The following MTUS2 variants were observed in gnomAD, a reference collection of about 807,000 sequenced individuals.
The protein encoded by MTUS2 is microtubule-associated tumor suppressor candidate 2.
Under a neutral mutation model 114.1 loss-of-function variants are expected in MTUS2, and 40 were observed. That is an observed-to-expected ratio of 0.35 (90% CI 0.27 to 0.46). MTUS2 has a LOEUF of 0.46. Among genes scored for constraint, MTUS2 ranks in the 20% least tolerant of loss-of-function variants. The pLI, the probability that MTUS2 is intolerant of heterozygous loss-of-function variation, is 1.00. For missense variants in MTUS2, 1,679 were observed against 1,705.4 expected (o/e 0.98, Z 0.27); for synonymous variants, 688 against 672.0 (o/e 1.02, Z -0.37).
chr13:28,885,482 G>A (rs1213822268), intron 2 of MTUS2, among the ~76,000 whole-genome samples: 9 of 152,216 alleles, frequency 5.9e-5, no homozygotes, highest in African/African-American at 2.2e-4. Flanking sequence ...GAAACACTGA[G>A]TACCTTTCCC....
chr13:28,932,368 A>G (rs1286959705), intron 2 of MTUS2, among the ~76,000 whole-genome samples: 1 of 152,234 alleles, frequency 6.6e-6, no homozygotes, highest in African/African-American at 2.4e-5. Context: ...GGATGTGTGT[A>G]GGTTACATGC....
intron 6 of MTUS2, among the ~76,000 whole-genome samples, chr13:29,320,111 C>T (rs1900192145): frequency 6.6e-6 from 1 of 152,152 alleles, no homozygotes; most frequent in Non-Finnish European, 1.5e-5. Context: ...GGAGATTATC[C>T]TGGATTACCC....
intron 2 of MTUS2, 131 bp from the exon 3 acceptor site, chr13:29,024,326 T>A (rs1417990558): frequency 4.5e-6 from 1 of 221,044 alleles, no homozygotes; most frequent in East Asian, 7.4e-5. Context: ...ATCAGAAAGG[T>A]TTTTTGAGAA....
chr13:29,307,325 C>A, intron 6 of MTUS2: 1 of 684,444 alleles, frequency 1.5e-6, no homozygotes. Flanking sequence ...GCTGTCCCTG[C>A]CACCCAGAAG....
intron 5 of MTUS2, among the ~76,000 whole-genome samples, chr13:29,265,630 C>T (rs956987330): frequency 2.0e-5 from 3 of 152,098 alleles, no homozygotes; most frequent in African/African-American, 7.2e-5. Flanking sequence ...AGCATGGCAC[C>T]GATATCAGCT....
intron 2 of MTUS2, among the ~76,000 whole-genome samples, chr13:28,877,142 A>G (rs1236075034): frequency 6.6e-6 from 1 of 150,700 alleles, no homozygotes; most frequent in South Asian, 2.1e-4. Flanking sequence ...ACAAAAAAAA[A>G]AAACAACAAA....
At chr13:29,031,270 G>GT (rs1555287201) in intron 3 of MTUS2, among the ~76,000 whole-genome samples, 60 of 22,432 alleles carry the variant, frequency 2.7e-3, no homozygotes, top group South Asian at 0.023. Flanking sequence ...GTGTGTGTGT[G>GT]GTGTGTGTTC....
intron 9 of MTUS2, among the ~76,000 whole-genome samples, chr13:29,452,508 A>G (rs1878761787): frequency 6.6e-6 from 1 of 151,790 alleles, no homozygotes; most frequent in Admixed American, 6.6e-5. Flanking sequence ...CTCCTGCCTC[A>G]GCCTGCAGAG....
At chr13:29,000,329 C>A (rs75348397) in intron 2 of MTUS2, among the ~76,000 whole-genome samples, 4 of 152,004 alleles carry the variant, frequency 2.6e-5, no homozygotes, top group African/African-American at 7.3e-5. Context: ...AGTTTTGCTG[C>A]CCATAGGATT....
rs1411674602 is a variant in MTUS2, at chr13:29,025,772, T to A, written c.1074T>A (p.Asp358Glu). 6.2e-7 allele frequency: 1 copy of A among 1,613,846 alleles called. No homozygotes were observed. Among genetic ancestry groups the A allele is most frequent in the Non-Finnish European group, 8.5e-7 (1 of 1,179,884 alleles). ...PCGEAHPEAT[D>E]ALGHLLNSDL... ...GGGAAGCACACCCGGAAGCCACCGA[T>A]GCACTTGGCCATCTGCTGAACAGTG... Residue 358 changes from aspartate to glutamate, a missense_variant, in exon 3 of 16, where the codon GAT (aspartate) becomes GAA (glutamate). This residue lies in a region of MTUS2 where 843 missense variants were observed against 770.8 expected (regional missense o/e 1.09). Transcript: ENST00000612955.
intron 2 of MTUS2, among the ~76,000 whole-genome samples, chr13:28,862,594 G>A (rs908055089): frequency 5.9e-5 from 9 of 152,130 alleles, no homozygotes; most frequent in Non-Finnish European, 7.3e-5. Flanking sequence ...GCCTGGGCGC[G>A]GCAGAGCAAG....
At chr13:29,294,558 T>C (rs1305422949) in intron 6 of MTUS2, among the ~76,000 whole-genome samples, 1 of 152,176 alleles carries the variant, frequency 6.6e-6, no homozygotes, top group East Asian at 1.9e-4. Flanking sequence ...ACTTAGAAGT[T>C]GGTATATTTA....
intron 5 of MTUS2, among the ~76,000 whole-genome samples, chr13:29,214,606 C>T (rs1167202528): frequency 2.6e-5 from 4 of 152,248 alleles, no homozygotes; most frequent in Non-Finnish European, 5.9e-5. Context: ...TTTTATTTCT[C>T]CTTCACTTAT....
chr13:29,392,136 A>AC (rs1873534626), intron 8 of MTUS2, among the ~76,000 whole-genome samples: 2 of 64,982 alleles, frequency 3.1e-5, no homozygotes, highest in Non-Finnish European at 6.6e-5. Flanking sequence ...TCAAAAAAAA[A>AC]AAAACAAACC....
At chr13:29,472,277 C>A (rs547684171) in intron 9 of MTUS2, among the ~76,000 whole-genome samples, 37 of 152,332 alleles carry the variant, frequency 2.4e-4, no homozygotes, top group African/African-American at 8.4e-4. Context: ...CTGCCTCAGC[C>A]TCCCAAAGTG....
At chr13:29,166,679 T>C (rs1430448637) in intron 5 of MTUS2, among the ~76,000 whole-genome samples, 4 of 152,232 alleles carry the variant, frequency 2.6e-5, no homozygotes, top group Non-Finnish European at 5.9e-5. Context: ...ACATTTAGAC[T>C]TTCAAAATCA....
At chr13:28,986,840 T>C (rs990875230) in intron 2 of MTUS2, among the ~76,000 whole-genome samples, 1 of 152,184 alleles carries the variant, frequency 6.6e-6, no homozygotes, top group Non-Finnish European at 1.5e-5. Flanking sequence ...AATTAAGAAT[T>C]TAATTATTCA....
chr13:28,821,600 G>A (rs1250291876), intron 1 of MTUS2, among the ~76,000 whole-genome samples: 4 of 152,108 alleles, frequency 2.6e-5, no homozygotes, highest in Non-Finnish European at 5.9e-5. Context: ...TATACTGATG[G>A]CTGGGAACAG....
intron 5 of MTUS2, among the ~76,000 whole-genome samples, chr13:29,111,166 T>C (rs982554952): frequency 7.2e-5 from 11 of 152,300 alleles, no homozygotes; most frequent in Non-Finnish European, 1.6e-4. Context: ...ATGATAATGG[T>C]GAATAAAGTA....
Sources: gnomAD v4.1 joint callset for allele counts (sites outside exome capture counted in the v4.1 genomes callset) on GRCh38, gnomAD v4.1.1 for gene constraint, gnomAD v4.1.1 regional missense constraint, MANE v1.5 for transcripts, NCBI Gene and HGNC (gene_info 2026-07-23, HGNC 2026-07-21) for gene names.